The following CDH12 variants were observed in gnomAD, a reference collection of about 807,000 sequenced individuals.
CDH12 encodes cadherin-12.
In CDH12, 41 loss-of-function variants were observed where a neutral mutation model predicts 74.1. That is an observed-to-expected ratio of 0.55 (90% CI 0.43 to 0.72). CDH12 has a LOEUF of 0.72. Ranked by LOEUF, CDH12 falls within the 30% of genes least tolerant of loss-of-function variation. The probability of loss-of-function intolerance (pLI) is 0.00; values close to 1 mark genes in which losing one functional copy is unlikely to be tolerated. For missense variants in CDH12, 945 were observed against 977.2 expected (o/e 0.97, Z 0.44); for synonymous variants, 399 against 355.0 (o/e 1.12, Z -1.39).
At chr5:22,059,080 G>T (rs529860163) in intron 5 of CDH12, among the ~76,000 whole-genome samples, 1 of 152,186 alleles carries the variant, frequency 6.6e-6, no homozygotes, top group South Asian at 2.1e-4. Flanking sequence ...AGCTAAGGAA[G>T]AATTTTTAGG....
chr5:22,537,314 G>A (rs141510743), intron 1 of CDH12, among the ~76,000 whole-genome samples: 30 of 152,182 alleles, frequency 2.0e-4, no homozygotes, highest in South Asian at 1.9e-3. Flanking sequence ...CACTCCAGTC[G>A]GCATAGGAGA....
At position 22,300,475 on chromosome 5, in the gene CDH12, T is replaced by A. The variant is rs138691875; in HGVS notation, c.-332-87832A>T. On this transcript the variant is annotated intron_variant, in intron 3 of 14. Transcript: ENST00000382254. ...TTACAAAGGTCAAAATCTTGAACTA[T>A]TCTGAGAATTCCCTACCAGGTTATT... Among the ~76,000 whole-genome samples, 7 of 152,334 alleles carry A rather than the reference T, an allele frequency of 4.6e-5. No individual in the cohort carries two copies. The East Asian group carries it at 1.4e-3, about 29-fold the overall frequency.
chr5:22,755,458 G>A lies in CDH12; in HGVS notation c.-523+97600C>T, dbSNP rs921877360. Among the ~76,000 whole-genome samples, 52 of 152,018 alleles carry A rather than the reference G, an allele frequency of 3.4e-4. 3 individuals carry two copies. The highest frequency in any genetic ancestry group is 3.0e-3 in the Admixed American group (46 of 15,266). ...TCTTAGTCAATGTGTCACAGTTTGA[G>A]TTTGTATCCAAATAATAGTTTTTAC... On this transcript the variant is annotated intron_variant, in intron 1 of 14. Transcript: ENST00000382254.
At chr5:22,242,810 T>C (rs1752797230) in intron 3 of CDH12, among the ~76,000 whole-genome samples, 1 of 152,184 alleles carries the variant, frequency 6.6e-6, no homozygotes, top group African/African-American at 2.4e-5. Flanking sequence ...CAAGCAATAC[T>C]CCTTCCAGAG....
At chr5:21,842,804 A>C (rs996894955) in intron 7 of CDH12, among the ~76,000 whole-genome samples, 4 of 152,152 alleles carry the variant, frequency 2.6e-5, no homozygotes, top group Admixed American at 1.3e-4. Context: ...CTAAAAATGC[A>C]TTCAATATCT....
At chr5:22,568,378 TAGAA>T (rs1739388477) in intron 1 of CDH12, among the ~76,000 whole-genome samples, 1 of 152,186 alleles carries the variant, frequency 6.6e-6, no homozygotes, top group Admixed American at 6.5e-5. Context: ...AGAATGAGGA[TAGAA>T]TGAGATATTA....
intron 1 of CDH12, among the ~76,000 whole-genome samples, chr5:22,809,360 A>G (rs868267292): frequency 1.3e-5 from 2 of 151,854 alleles, no homozygotes; most frequent in African/African-American, 2.4e-5. Context: ...ATTCTCTGTC[A>G]AGTCTAACAA....
At chr5:22,208,638 C>T (rs1388143955) in intron 4 of CDH12, among the ~76,000 whole-genome samples, 1 of 152,168 alleles carries the variant, frequency 6.6e-6, no homozygotes, top group Non-Finnish European at 1.5e-5. Context: ...TTTTTATTGG[C>T]ATGGTTCTCC....
intron 1 of CDH12, among the ~76,000 whole-genome samples, chr5:22,834,297 A>G (rs1202394748): frequency 6.6e-6 from 1 of 152,106 alleles, no homozygotes; most frequent in Non-Finnish European, 1.5e-5. Context: ...AAAATAAAAT[A>G]ACTGACTAAT....
At chr5:22,540,882 A>G (rs1738070768) in intron 1 of CDH12, among the ~76,000 whole-genome samples, 1 of 152,206 alleles carries the variant, frequency 6.6e-6, no homozygotes, top group Non-Finnish European at 1.5e-5. Context: ...GCATTTATAT[A>G]TATAGCAATT....
At chr5:22,688,853 G>A (rs1188021824) in intron 1 of CDH12, among the ~76,000 whole-genome samples, 2 of 152,124 alleles carry the variant, frequency 1.3e-5, no homozygotes, top group African/African-American at 4.8e-5. Context: ...AGAACTCTGT[G>A]ACTGAGAATC....
intron 6 of CDH12, among the ~76,000 whole-genome samples, chr5:21,910,854 T>C (rs1409247954): frequency 1.3e-5 from 2 of 151,942 alleles, no homozygotes; most frequent in East Asian, 3.9e-4. Context: ...CCTCAAGTGT[T>C]TGCTCTTCCA....
intron 1 of CDH12, among the ~76,000 whole-genome samples, chr5:22,849,879 T>G (rs1034254968): frequency 2.0e-5 from 3 of 152,072 alleles, no homozygotes; most frequent in Non-Finnish European, 4.4e-5. Context: ...AAAAAATACC[T>G]GAAGCATAAT....
intron 11 of CDH12, among the ~76,000 whole-genome samples, chr5:21,769,964 G>C (rs1274029048): frequency 6.6e-6 from 1 of 152,160 alleles, no homozygotes; most frequent in Non-Finnish European, 1.5e-5. Flanking sequence ...AGTCAAGACA[G>C]GAATCCAGAT....
At chr5:21,752,777 G>A (rs1435999800) in intron 14 of CDH12, among the ~76,000 whole-genome samples, 9 of 151,736 alleles carry the variant, frequency 5.9e-5, no homozygotes, top group Admixed American at 5.3e-4. Flanking sequence ...AAGGAAGGAA[G>A]TAGAGGAAGA....
At chr5:22,240,756 A>G (rs1021484252) in intron 3 of CDH12, among the ~76,000 whole-genome samples, 3 of 151,800 alleles carry the variant, frequency 2.0e-5, no homozygotes, top group Non-Finnish European at 4.4e-5. Context: ...CTGGTCTCAA[A>G]CTCCTAACCT....
intron 2 of CDH12, among the ~76,000 whole-genome samples, chr5:22,427,564 TTACTC>T (rs1363799210): frequency 1.2e-4 from 18 of 152,234 alleles, no homozygotes; most frequent in Non-Finnish European, 2.6e-4. Context: ...TTCTTTGTCT[TTACTC>T]TATTTCTATA....
At chr5:22,746,710 A>G (rs1745313732) in intron 1 of CDH12, among the ~76,000 whole-genome samples, 1 of 152,212 alleles carries the variant, frequency 6.6e-6, no homozygotes, top group African/African-American at 2.4e-5. Flanking sequence ...CAATGTATTA[A>G]ATTATTTTTA....
chr5:22,211,625 A>T lies in CDH12; in HGVS notation c.-187+873T>A, dbSNP rs1310511947. 2.0e-5 allele frequency among the ~76,000 whole-genome samples: 3 copies of T among 152,088 alleles called. No individual in the cohort carries two copies. The East Asian group carries it at 5.8e-4, about 29-fold the overall frequency. ...CAATACCTTTCTAGATATTTTTAAC[A>T]AGCTTACAAGAAAATGGGTAAAAAA... On this transcript the variant is annotated intron_variant, in intron 4 of 14. Coordinates refer to ENST00000382254, the MANE Select transcript of CDH12 (RefSeq NM_004061.5).
Sources: allele counts gnomAD v4.1 joint callset (sites outside exome capture counted in the v4.1 genomes callset), GRCh38; gene constraint gnomAD v4.1.1; transcripts MANE v1.5; gene names NCBI Gene and HGNC (gene_info 2026-07-23, HGNC 2026-07-21).